Variants in ARHGAP15 observed in about 807,000 individuals in gnomAD.
ARHGAP15 encodes Rho GTPase activating protein 15.
Under a neutral mutation model 63.7 loss-of-function variants are expected in ARHGAP15, and 51 were observed. The observed-to-expected ratio is 0.80, with a 90% CI of 0.64 to 1.01. ARHGAP15 has a LOEUF of 1.01. Ranked by LOEUF, ARHGAP15 falls within the 50% of genes least tolerant of loss-of-function variation. The pLI, the probability that ARHGAP15 is intolerant of heterozygous loss-of-function variation, is 0.00. For synonymous variants in ARHGAP15, 191 were observed against 193.8 expected, an observed-to-expected ratio of 0.99 and a Z score of 0.12; for missense variants, 560 against 564.6, an observed-to-expected ratio of 0.99 and a Z score of 0.08.
chr2:143,227,725 A>G (rs777892240), intron 4 of ARHGAP15, among the ~76,000 whole-genome samples: 1 of 152,156 alleles, frequency 6.6e-6, no homozygotes, highest in Non-Finnish European at 1.5e-5. Context: ...GACCTATTAT[A>G]TGCAATTTAT....
chr2:143,380,414 G>A (rs546971129), intron 6 of ARHGAP15, among the ~76,000 whole-genome samples: 15 of 152,114 alleles, frequency 9.9e-5, no homozygotes, highest in Non-Finnish European at 1.5e-4. Flanking sequence ...AAAAGTGACT[G>A]TAAGTCCAGT....
At chr2:143,351,336 G>A (rs776027904) in intron 6 of ARHGAP15, 7 of 152,176 alleles carry the variant, frequency 4.6e-5, no homozygotes, top group Non-Finnish European at 7.3e-5. Flanking sequence ...TCTACTGGGT[G>A]CTTTAATATC....
chr2:143,223,641 C>T (rs1052388834), intron 4 of ARHGAP15, among the ~76,000 whole-genome samples: 1 of 152,160 alleles, frequency 6.6e-6, no homozygotes. Context: ...TGGCCCAGGT[C>T]AGGCTAAGAC....
intron 6 of ARHGAP15, among the ~76,000 whole-genome samples, chr2:143,354,155 T>C (rs751241349): frequency 6.6e-6 from 1 of 152,144 alleles, no homozygotes; most frequent in Non-Finnish European, 1.5e-5. Flanking sequence ...TCTCCAAGTC[T>C]CTTCACACTT....
intron 6 of ARHGAP15, among the ~76,000 whole-genome samples, chr2:143,393,601 C>T (rs1330682595): frequency 2.6e-5 from 4 of 151,780 alleles, no homozygotes; most frequent in South Asian, 2.1e-4. Context: ...CCTGGTGCTG[C>T]GCACCTGTAT....
At chr2:143,752,485 A>T (rs562009185) in intron 13 of ARHGAP15, among the ~76,000 whole-genome samples, 9 of 152,046 alleles carry the variant, frequency 5.9e-5, no homozygotes, top group African/African-American at 1.7e-4. Flanking sequence ...TTGTGCCAGG[A>T]CCCGCCTGCA....
chr2:143,406,927 G>A (rs988321204), intron 6 of ARHGAP15, among the ~76,000 whole-genome samples: 4 of 151,836 alleles, frequency 2.6e-5, no homozygotes, highest in African/African-American at 9.7e-5. Context: ...GATGAAAGTT[G>A]TACAGGAGAA....
chr2:143,172,856 T>C (rs1034499035), intron 2 of ARHGAP15, among the ~76,000 whole-genome samples: 20 of 152,058 alleles, frequency 1.3e-4, no homozygotes, highest in Non-Finnish European at 1.5e-5. Flanking sequence ...CTTGGAGATA[T>C]AATTTTGATG....
chr2:143,611,082 C>T (rs541791304), intron 11 of ARHGAP15, among the ~76,000 whole-genome samples: 8 of 152,160 alleles, frequency 5.3e-5, no homozygotes, highest in South Asian at 2.1e-4. Context: ...GGCTGTATAC[C>T]GTAATGGAAT....
intron 6 of ARHGAP15, among the ~76,000 whole-genome samples, chr2:143,380,073 C>G (rs1686997843): frequency 6.6e-6 from 1 of 152,042 alleles, no homozygotes; most frequent in African/African-American, 2.4e-5. Context: ...TTATAGCCCT[C>G]AAGCAGATCT....
At chr2:143,439,047 A>G (rs769401518) in intron 8 of ARHGAP15, among the ~76,000 whole-genome samples, 17 of 152,202 alleles carry the variant, frequency 1.1e-4, no homozygotes, top group Non-Finnish European at 2.5e-4. Context: ...TAGATAGAAC[A>G]CTCACTACTT....
chr2:143,626,764 C>G lies in ARHGAP15; in HGVS notation c.1138+2497C>G, dbSNP rs144096155. On this transcript the variant is annotated intron_variant, in intron 12 of 13. Coordinates refer to ENST00000295095, the MANE Select transcript of ARHGAP15 (RefSeq NM_018460.4). ...GCTAGCTACAGAGCGCTGATTGGTG[C>G]GTTTTTACAATCCTCTTGTAAGACA... Among the ~76,000 whole-genome samples the G allele has an allele frequency of 9.9e-5, 15 of 152,248 alleles. No individual in the cohort carries two copies. In the East Asian group the frequency reaches 2.9e-3, roughly 29 times the overall value.
intron 1 of ARHGAP15, among the ~76,000 whole-genome samples, chr2:143,141,529 T>C (rs1236976949): frequency 2.0e-5 from 3 of 151,900 alleles, no homozygotes; most frequent in Non-Finnish European, 4.4e-5. Context: ...CAAAATATAA[T>C]AGAAACAGTA....
chr2:143,157,747 A>G (rs1690138252), intron 2 of ARHGAP15, among the ~76,000 whole-genome samples: 1 of 151,616 alleles, frequency 6.6e-6, no homozygotes, highest in African/African-American at 2.4e-5. Context: ...TTTTCTGACT[A>G]GATACTGACA....
intron 9 of ARHGAP15, among the ~76,000 whole-genome samples, chr2:143,496,625 C>A (rs1215352369): frequency 1.3e-5 from 2 of 152,138 alleles, no homozygotes; most frequent in African/African-American, 4.8e-5. Flanking sequence ...TATGTGTTAG[C>A]AAACAACAAT....
intron 6 of ARHGAP15, among the ~76,000 whole-genome samples, chr2:143,324,928 T>C (rs1476684662): frequency 6.6e-6 from 1 of 152,198 alleles, no homozygotes; most frequent in Non-Finnish European, 1.5e-5. Context: ...ATGTATTTTT[T>C]AAAAAACATG....
chr2:143,745,937 T>C (rs1385143692), intron 13 of ARHGAP15, among the ~76,000 whole-genome samples: 1 of 152,212 alleles, frequency 6.6e-6, no homozygotes, highest in Non-Finnish European at 1.5e-5. Flanking sequence ...TGTTTCCTTG[T>C]TCAAGTTGAT....
intron 6 of ARHGAP15, among the ~76,000 whole-genome samples, chr2:143,379,073 G>A (rs570849539): frequency 3.3e-5 from 5 of 151,844 alleles, no homozygotes; most frequent in African/African-American, 7.2e-5. Flanking sequence ...AAGCATCCCC[G>A]ATGACTTGTT....
intron 6 of ARHGAP15, among the ~76,000 whole-genome samples, chr2:143,421,035 T>C (rs1229630055): frequency 6.6e-6 from 1 of 152,212 alleles, no homozygotes; most frequent in African/African-American, 2.4e-5. Context: ...CTGCCATCTC[T>C]GTCTCTGATA....
Sources: allele counts gnomAD v4.1 joint callset (sites outside exome capture counted in the v4.1 genomes callset), GRCh38; gene constraint gnomAD v4.1.1; transcripts MANE v1.5; gene names NCBI Gene and HGNC (gene_info 2026-07-23, HGNC 2026-07-21).